AUTS2: variants seen among roughly 807,000 people sequenced by gnomAD.
AUTS2 encodes the protein autism susceptibility gene 2 protein.
Under a neutral mutation model 112.4 loss-of-function variants are expected in AUTS2, and 17 were observed. The observed-to-expected ratio is 0.15, with a 90% CI of 0.10 to 0.23. AUTS2 has a LOEUF of 0.23. Ranked by LOEUF, AUTS2 falls within the 10% of genes least tolerant of loss-of-function variation. The pLI is 1.00. For missense variants in AUTS2, 1,510 were observed against 1,701.6 expected (o/e 0.89, Z 1.98); for synonymous variants, 751 against 702.7 (o/e 1.07, Z -1.09).
At chr7:70,756,346 A>G (rs1314162597) in intron 6 of AUTS2, among the ~76,000 whole-genome samples, 1 of 152,196 alleles carries the variant, frequency 6.6e-6, no homozygotes, top group Non-Finnish European at 1.5e-5. Context: ...GGAGGTTGTT[A>G]CTGCATTTGT....
At chr7:70,033,429 G>A (rs369630731) in intron 2 of AUTS2, among the ~76,000 whole-genome samples, 1 of 152,292 alleles carries the variant, frequency 6.6e-6, no homozygotes, top group East Asian at 1.9e-4. Context: ...CTTTAAGTGA[G>A]AGAATGCCAT....
chr7:70,112,611 T>A (rs148934304), intron 2 of AUTS2, among the ~76,000 whole-genome samples: 25 of 152,214 alleles, frequency 1.6e-4, no homozygotes, highest in African/African-American at 6.0e-4. Flanking sequence ...TAATGGTTTA[T>A]AACTTAGAAG....
intron 5 of AUTS2, among the ~76,000 whole-genome samples, chr7:70,595,409 A>T (rs1236706606): frequency 1.3e-5 from 2 of 151,940 alleles, no homozygotes; most frequent in Non-Finnish European, 2.9e-5. Context: ...TTAATGTTTA[A>T]GTGTCTTAAT....
chr7:69,661,662 T>C (rs1285015964), intron 1 of AUTS2, among the ~76,000 whole-genome samples: 1 of 152,184 alleles, frequency 6.6e-6, no homozygotes, highest in Admixed American at 6.5e-5. Flanking sequence ...CGGACACTTT[T>C]GTTGTTTTGG....
chr7:70,788,597 A>C (rs1461762193), intron 18 of AUTS2, among the ~76,000 whole-genome samples: 1 of 152,234 alleles, frequency 6.6e-6, no homozygotes, highest in African/African-American at 2.4e-5. Flanking sequence ...GGATGTGGCC[A>C]CCAGCCCTTT....
chr7:70,247,331 A>C (rs1812977365), intron 4 of AUTS2, among the ~76,000 whole-genome samples: 1 of 152,134 alleles, frequency 6.6e-6, no homozygotes. Flanking sequence ...ATAGAGACAG[A>C]AAGTAGAATG....
At chr7:70,226,602 A>G (rs1007448885) in intron 4 of AUTS2, among the ~76,000 whole-genome samples, 4 of 152,104 alleles carry the variant, frequency 2.6e-5, no homozygotes, top group Non-Finnish European at 4.4e-5. Flanking sequence ...ATGAAAGAAT[A>G]CAGACTTGGG....
At chr7:70,666,453 G>A (rs376760334) in intron 5 of AUTS2, among the ~76,000 whole-genome samples, 1 of 152,150 alleles carries the variant, frequency 6.6e-6, no homozygotes, top group Non-Finnish European at 1.5e-5. Context: ...AGAGATTTGG[G>A]TGTTGTTTCC....
rs553611314 is a variant in AUTS2 at position 70,132,594 on chromosome 7, C to T, written c.625-1942C>T. Among the ~76,000 whole-genome samples, 32 of 152,304 alleles carry T rather than the reference C, an allele frequency of 2.1e-4. No individual in the cohort carries two copies. In the South Asian group the frequency reaches 5.8e-3, roughly 28 times the overall value. ...ATTGAAATGATACCCACTGTTCCCT[C>T]ATTCAGTCAGACCTGCATAAACAAT... On this transcript the variant is annotated intron_variant, in intron 3 of 18. Transcript: ENST00000342771.
At chr7:70,092,283 C>G (rs1387751986) in intron 2 of AUTS2, among the ~76,000 whole-genome samples, 1 of 152,094 alleles carries the variant, frequency 6.6e-6, no homozygotes, top group Non-Finnish European at 1.5e-5. Flanking sequence ...ATGACTCCAA[C>G]TTTTTCTGCA....
Position 70,092,811 on chromosome 7 carries a change from C to T in AUTS2, c.523-25321C>T, listed in dbSNP as rs188285696. The stretch of plus-strand genomic sequence containing the variant: ...TTTATTTCTGCCTGCAGCTCTCCAC[C>T]GCTTTATTCATCCACATCTCAGCTA... On this transcript the variant is annotated intron_variant, in intron 2 of 18. Coordinates refer to ENST00000342771, the MANE Select transcript of AUTS2 (RefSeq NM_015570.4). Among the ~76,000 whole-genome samples, 391 of 152,256 alleles carry T rather than the reference C, an allele frequency of 2.6e-3. 1 individual carries two copies. The highest frequency in any genetic ancestry group is 0.01 in the Middle Eastern group (3 of 294).
chr7:70,561,485 G>A (rs763318028), intron 5 of AUTS2, among the ~76,000 whole-genome samples: 6 of 152,112 alleles, frequency 3.9e-5, no homozygotes, highest in Non-Finnish European at 8.8e-5. Flanking sequence ...AATTAGCCTG[G>A]CATAGTGGCA....
At chr7:70,141,606 GT>G (rs1806866797) in intron 4 of AUTS2, among the ~76,000 whole-genome samples, 1 of 152,104 alleles carries the variant, frequency 6.6e-6, no homozygotes, top group South Asian at 2.1e-4. Flanking sequence ...CCTTAACTGT[GT>G]TTTTTCCTCC....
At chr7:70,583,080 A>G (rs1802524081) in intron 5 of AUTS2, among the ~76,000 whole-genome samples, 1 of 152,236 alleles carries the variant, frequency 6.6e-6, no homozygotes, top group South Asian at 2.1e-4. Flanking sequence ...CTTATAAACC[A>G]GCTCGCTCAG....
At chr7:69,701,432 T>C (rs1461288306) in intron 1 of AUTS2, among the ~76,000 whole-genome samples, 4 of 152,076 alleles carry the variant, frequency 2.6e-5, no homozygotes, top group Non-Finnish European at 4.4e-5. Context: ...CTAAACAAGA[T>C]GATGTGTAAG....
At chr7:70,343,947 G>A (rs1382978013) in intron 4 of AUTS2, among the ~76,000 whole-genome samples, 1 of 152,122 alleles carries the variant, frequency 6.6e-6, no homozygotes, top group Non-Finnish European at 1.5e-5. Context: ...AGTGGTGTGA[G>A]TGTTGCAGCC....
intron 1 of AUTS2, among the ~76,000 whole-genome samples, chr7:69,829,013 A>G (rs1791378166): frequency 6.6e-6 from 1 of 152,204 alleles, no homozygotes; most frequent in Non-Finnish European, 1.5e-5. Flanking sequence ...TACAGTAACC[A>G]AAACAGCATG....
chr7:70,581,657 A>AC (rs149433295), intron 5 of AUTS2, among the ~76,000 whole-genome samples: 5,980 of 151,994 alleles, frequency 0.039, 143 homozygotes, highest in East Asian at 0.084. Flanking sequence ...CACCCACCTG[A>AC]CCCCTTCTCC....
At chr7:70,548,820 A>G (rs1402172636) in intron 5 of AUTS2, among the ~76,000 whole-genome samples, 2 of 152,134 alleles carry the variant, frequency 1.3e-5, no homozygotes, top group East Asian at 3.9e-4. Context: ...GATGTTTTGA[A>G]ATAGGGAACT....
Sources: allele counts gnomAD v4.1 joint callset (sites outside exome capture counted in the v4.1 genomes callset), GRCh38; gene constraint gnomAD v4.1.1; transcripts MANE v1.5; gene names NCBI Gene and HGNC (gene_info 2026-07-23, HGNC 2026-07-21).